The following DENND5A variants were observed in gnomAD, a reference collection of about 807,000 sequenced individuals.
The protein encoded by DENND5A is DENN domain-containing protein 5A.
In DENND5A, 64 loss-of-function variants were observed where a neutral mutation model predicts 140.3. That is an observed-to-expected ratio of 0.46 (90% confidence interval 0.37 to 0.56). DENND5A has a LOEUF of 0.56. Ranked by LOEUF, DENND5A falls within the 20% of genes least tolerant of loss-of-function variation. The pLI, the probability that DENND5A is intolerant of heterozygous loss-of-function variation, is 0.00. For synonymous variants in DENND5A, 605 were observed against 607.7 expected (o/e 1.00, Z 0.07); for missense variants, 1,292 against 1,593.8 (o/e 0.81, Z 3.22).
intron 1 of DENND5A, among the ~76,000 whole-genome samples, chr11:9,222,098 T>G (rs1850339016): frequency 6.6e-6 from 1 of 151,932 alleles, no homozygotes. Context: ...AATGCAGGGG[T>G]CTTTTAAGAG....
intron 10 of DENND5A, among the ~76,000 whole-genome samples, chr11:9,168,092 ATTT>A (rs11285106): frequency 5.6e-5 from 8 of 141,984 alleles, no homozygotes; most frequent in Non-Finnish European, 7.6e-5. Context: ...AACCTCAGTG[ATTT>A]TTTTTTTTTT....
chr11:9,167,583 T>C (rs1005007491), intron 10 of DENND5A, among the ~76,000 whole-genome samples: 2 of 150,794 alleles, frequency 1.3e-5, no homozygotes, highest in African/African-American at 4.9e-5. Flanking sequence ...TTTGAGACCA[T>C]CCTGGGCAAC....
intron 4 of DENND5A, among the ~76,000 whole-genome samples, chr11:9,193,899 C>G (rs377403209): frequency 6.6e-6 from 1 of 152,198 alleles, no homozygotes; most frequent in East Asian, 1.9e-4. Context: ...CCTACACACA[C>G]AGGTCCTTGC....
At chr11:9,168,776 A>G (rs1169732672) in intron 10 of DENND5A, among the ~76,000 whole-genome samples, 4 of 152,206 alleles carry the variant, frequency 2.6e-5, no homozygotes, top group African/African-American at 4.8e-5. Context: ...GCTGCCAGAC[A>G]CATGAAAACA....
chr11:9,216,574 T>C (rs1185375244), intron 1 of DENND5A, among the ~76,000 whole-genome samples: 1 of 152,130 alleles, frequency 6.6e-6, no homozygotes, highest in Non-Finnish European at 1.5e-5. Flanking sequence ...CCTTTCAAAG[T>C]GGGGATAAAG....
intron 10 of DENND5A, among the ~76,000 whole-genome samples, chr11:9,167,283 C>A (rs1003193745): frequency 2.6e-5 from 4 of 151,890 alleles, no homozygotes; most frequent in African/African-American, 4.8e-5. Flanking sequence ...TACCAACCCC[C>A]CAAGGTTAGG....
At chr11:9,256,108 C>T (rs943091362) in intron 1 of DENND5A, among the ~76,000 whole-genome samples, 5 of 149,544 alleles carry the variant, frequency 3.3e-5, no homozygotes, top group African/African-American at 1.2e-4. Context: ...GAAATGAAAA[C>T]ATAGGCCTAC....
intron 1 of DENND5A, among the ~76,000 whole-genome samples, chr11:9,248,882 T>C (rs1048758301): frequency 1.1e-4 from 17 of 152,138 alleles, no homozygotes; most frequent in African/African-American, 4.1e-4. Flanking sequence ...TAGAGGGCCA[T>C]TGTTCTAAAA....
At chr11:9,171,105 G>A in intron 8 of DENND5A, 1 of 264,798 alleles carries the variant, frequency 3.8e-6, no homozygotes, top group Non-Finnish European at 7.3e-6. Flanking sequence ...GGCAGAGACT[G>A]GTGGACTCCC....
intron 8 of DENND5A, among the ~76,000 whole-genome samples, chr11:9,173,859 C>T (rs1476314298): frequency 1.3e-5 from 2 of 152,048 alleles, no homozygotes; most frequent in African/African-American, 2.4e-5. Context: ...AATCCCAGCA[C>T]TTTGGGAGGC....
intron 5 of DENND5A, among the ~76,000 whole-genome samples, chr11:9,190,463 G>A (rs1048754603): frequency 1.3e-5 from 2 of 152,136 alleles, no homozygotes; most frequent in African/African-American, 4.8e-5. Flanking sequence ...AAGATCTGAT[G>A]GTTTCATAAG....
chr11:9,230,036 C>T (rs1242353473), intron 1 of DENND5A, among the ~76,000 whole-genome samples: 1 of 149,378 alleles, frequency 6.7e-6, no homozygotes, highest in African/African-American at 2.5e-5. Flanking sequence ...TCCCGAGTAG[C>T]TGGGTGGGAC....
intron 4 of DENND5A, among the ~76,000 whole-genome samples, chr11:9,199,536 A>G (rs1292214191): frequency 6.6e-6 from 1 of 152,236 alleles, no homozygotes; most frequent in Admixed American, 6.5e-5. Context: ...CCAATTAAAA[A>G]TTATGCTATT....
chr11:9,225,498 C>T (rs1187339747), intron 1 of DENND5A, among the ~76,000 whole-genome samples: 2 of 152,144 alleles, frequency 1.3e-5, no homozygotes, highest in Non-Finnish European at 1.5e-5. Context: ...CGGTGGCTCA[C>T]GCCTGTAATC....
chr11:9,153,018 GA>G (rs1358429616), intron 12 of DENND5A, among the ~76,000 whole-genome samples: 1 of 136,550 alleles, frequency 7.3e-6, no homozygotes. Flanking sequence ...AAACAAAAAA[GA>G]AAGAAAGAAA....
intron 10 of DENND5A, 151 bp downstream of exon 10, chr11:9,169,705 A>G (rs769237756): frequency 1.1e-5 from 6 of 533,466 alleles, no homozygotes; most frequent in Non-Finnish European, 3.4e-6. Flanking sequence ...CCAGCATTAG[A>G]TATCAGGAAC....
chr11:9,139,576 C>T lies in DENND5A; in HGVS notation c.*95G>A. The stretch of plus-strand genomic sequence containing the variant: ...TTACAGTGAGTGTACATTTTGTCTC[C>T]TACTCCTGCACAATCGCTTAAGTCC... On this transcript the variant is annotated 3_prime_UTR_variant, in exon 23 of 23. Transcript: ENST00000328194. 8.7e-7 allele frequency: 1 copy of T among 1,148,192 alleles called. No individual in the cohort carries two copies. The highest frequency in any genetic ancestry group is 1.2e-6 in the Non-Finnish European group (1 of 811,754). 71.1% of individuals were successfully genotyped at this position (1,148,192 alleles called of 1,614,324 possible). A position where few individuals can be genotyped will look rare whatever the true frequency, so the allele number is the denominator to read the frequency against.
In DENND5A at chr11:9,165,946, T is replaced by A. The variant is rs762402660; in HGVS notation, c.2173A>T (p.Thr725Ser). The A allele has an allele frequency of 6.2e-7, 1 of 1,614,046 alleles. No homozygotes were observed. The highest frequency in any genetic ancestry group is 2.2e-5 in the East Asian group (1 of 44,894). ...QREKYIQEAR[T>S]MGSTIRQPKL... is the part of the protein sequence containing the mutation. ...GGCTGGCGGATAGTGCTGCCCATAG[T>A]CCTGGCTTCCTGGATGTACTTCTAT... Residue 725 changes from threonine (T) to serine (S), a missense_variant, in exon 11 of 23, where the codon ACT becomes TCT. Thr to Ser is a moderately conservative substitution (Grantham distance 58). This residue lies in a region of DENND5A where 199 missense variants were observed against 189.1 expected (regional missense o/e 1.05). Transcript: ENST00000328194.
intron 22 of DENND5A, among the ~76,000 whole-genome samples, chr11:9,140,970 T>C (rs985438461): frequency 6.6e-6 from 1 of 151,908 alleles, no homozygotes; most frequent in Non-Finnish European, 1.5e-5. Flanking sequence ...CTACTAACAA[T>C]ACAAAACTAG....
Sources: allele counts gnomAD v4.1 joint callset (sites outside exome capture counted in the v4.1 genomes callset), GRCh38; gene constraint gnomAD v4.1.1; regional missense constraint gnomAD v4.1.1; transcripts MANE v1.5; gene names NCBI Gene and HGNC (gene_info 2026-07-23, HGNC 2026-07-21).